DSCAML1: variants seen among roughly 807,000 people sequenced by gnomAD.
The protein encoded by DSCAML1 is DS cell adhesion molecule like 1, also known as cell adhesion molecule DSCAML1.
Under a neutral mutation model 200.5 loss-of-function variants are expected in DSCAML1, and 38 were observed. That is an observed-to-expected ratio of 0.19 (90% CI 0.15 to 0.25). The LOEUF (loss-of-function observed/expected upper bound fraction) is 0.25, where lower values mean the gene tolerates loss of function less well. Ranked by LOEUF, DSCAML1 falls within the 10% of genes least tolerant of loss-of-function variation. DSCAML1 has a pLI of 1.00. For missense variants in DSCAML1, 2,223 were observed against 2,858.8 expected (o/e 0.78, Z 5.07); for synonymous variants, 1,215 against 1,165.0 (o/e 1.04, Z -0.87).
intron 3 of DSCAML1, among the ~76,000 whole-genome samples, chr11:117,637,079 T>C (rs544504733): frequency 6.6e-6 from 1 of 152,186 alleles, no homozygotes; most frequent in South Asian, 2.1e-4. Flanking sequence ...AGGAGCCCCC[T>C]TTCCAGCCCT....
chr11:117,778,417 C>T (rs374917753), intron 2 of DSCAML1, among the ~76,000 whole-genome samples: 353 of 152,326 alleles, frequency 2.3e-3, no homozygotes, highest in African/African-American at 7.9e-3. Flanking sequence ...AGGTTAATGG[C>T]TAACGGCATC....
intron 5 of DSCAML1, among the ~76,000 whole-genome samples, chr11:117,524,051 G>A (rs2049929434): frequency 6.6e-6 from 1 of 152,208 alleles, no homozygotes; most frequent in Non-Finnish European, 1.5e-5. Context: ...TGGGGTAGGG[G>A]GAAAGGGGTG....
intron 3 of DSCAML1, among the ~76,000 whole-genome samples, chr11:117,663,194 T>C (rs2052897704): frequency 6.6e-6 from 1 of 152,194 alleles, no homozygotes; most frequent in African/African-American, 2.4e-5. Context: ...ATCCTTGCTA[T>C]ATCGCAGAGT....
intron 3 of DSCAML1, among the ~76,000 whole-genome samples, chr11:117,637,652 A>C (rs970417262): frequency 1.3e-5 from 2 of 152,162 alleles, no homozygotes; most frequent in African/African-American, 4.8e-5. Context: ...GCCCTCAATA[A>C]GTAGATTAAA....
chr11:117,754,499 G>A (rs78559357), intron 3 of DSCAML1, among the ~76,000 whole-genome samples: 3,585 of 152,176 alleles, frequency 0.024, 149 homozygotes, highest in African/African-American at 0.08. Context: ...AGGGGTGATG[G>A]GGGAGCGGGG....
Position 117,780,779 on chromosome 11 carries a change from G to A in DSCAML1, c.78C>T (p.Tyr26=), listed in dbSNP as rs964422054. ...CCTGCTGCAAGGAGTCATTTACAAA[G>A]TAGAGGCTGGTGCCAACATCTTCAG... ...ARPEDVGTSL[Y]FVNDSLQQVT... is the part of the protein sequence containing the mutation. Residue 26 remains tyrosine (Y), a synonymous_variant, in exon 2 of 33, where the codon TAC becomes TAT. Coordinates refer to ENST00000651296, the MANE Select transcript of DSCAML1 (RefSeq NM_020693.4). This position sits in a 1 kb window ranked among gnomAD's most constrained non-coding sequence, Gnocchi z 4.8. The A allele has an allele frequency of 6.7e-7, 1 of 1,486,632 alleles. No homozygotes were observed. Among genetic ancestry groups the A allele is most frequent in the Non-Finnish European group, 8.9e-7 (1 of 1,120,248 alleles). 92.1% of individuals were successfully genotyped at this position (1,486,632 alleles called of 1,614,324 possible). A position where few individuals can be genotyped will look rare whatever the true frequency, so the allele number is the denominator to read the frequency against.
intron 3 of DSCAML1, among the ~76,000 whole-genome samples, chr11:117,700,230 C>A (rs1201657169): frequency 6.6e-6 from 1 of 152,192 alleles, no homozygotes; most frequent in Admixed American, 6.5e-5. Context: ...GTTCCTAAAT[C>A]TTTTCAAGTC....
At chr11:117,796,351 G>A (rs917897880) in intron 1 of DSCAML1, among the ~76,000 whole-genome samples, 3 of 152,238 alleles carry the variant, frequency 2.0e-5, no homozygotes, top group Non-Finnish European at 4.4e-5. Context: ...CGCGCTGCCC[G>A]AGGTGGCCAC....
chr11:117,461,333 C>T, intron 18 of DSCAML1, 117 bp downstream of exon 18: 1 of 1,442,432 alleles, frequency 6.9e-7, no homozygotes, highest in East Asian at 2.3e-5. Flanking sequence ...GAAGAGGGGG[C>T]TGCACTTCCT....
chr11:117,711,070 A>C (rs693992), intron 3 of DSCAML1, among the ~76,000 whole-genome samples: 138,419 of 152,086 alleles, frequency 0.91, 63,480 homozygotes, highest in Non-Finnish European at 0.97. Context: ...AGAGAAAACC[A>C]AGAAAATAAA....
At chr11:117,438,188 A>G in intron 24 of DSCAML1, 105 bp from the exon 25 acceptor site, 1 of 1,161,368 alleles carries the variant, frequency 8.6e-7, no homozygotes, top group South Asian at 1.6e-5. Context: ...CAGGGGGCAG[A>G]GTCAGGCTTT....
At chr11:117,557,373 C>T (rs1368652420) in intron 3 of DSCAML1, among the ~76,000 whole-genome samples, 1 of 152,194 alleles carries the variant, frequency 6.6e-6, no homozygotes, top group Non-Finnish European at 1.5e-5. Context: ...TGCTCTCCAC[C>T]TTCTTCTGTG....
intron 3 of DSCAML1, among the ~76,000 whole-genome samples, chr11:117,577,529 CCTTCCTT>C (rs1565801897): frequency 1.2e-5 from 1 of 82,382 alleles, no homozygotes; most frequent in East Asian, 3.3e-4. Flanking sequence ...TTCCTTCCTT[CCTTCCTT>C]TCCTTCCTTC....
rs1323186921 is a variant in DSCAML1, at chr11:117,428,743, C to T, written c.5747G>A (p.Gly1916Glu). 4.3e-6 allele frequency: 7 copies of T among 1,612,840 alleles called. No homozygotes were observed. Among genetic ancestry groups the T allele is most frequent in the Non-Finnish European group, 5.9e-6 (7 of 1,179,660 alleles). ...KSEAFFRKAD[G>E]REPCPVVPPR... The stretch of plus-strand genomic sequence containing the variant: ...TGGGACCACGGGGCAGGGCTCACGT[C>T]CATCTGCCTTTCGAAAGAAGGCCTC... The change falls in exon 33 of 33, where the codon GGA becomes GAA. Residue 1916 changes from glycine to glutamate, a missense_variant. Transcript: ENST00000651296.
intron 3 of DSCAML1, among the ~76,000 whole-genome samples, chr11:117,567,909 A>G (rs2050784467): frequency 6.6e-6 from 1 of 152,132 alleles, no homozygotes; most frequent in Admixed American, 6.5e-5. Flanking sequence ...AGCCGGGCAG[A>G]GACACAACCA....
chr11:117,750,482 A>C (rs141606251), intron 3 of DSCAML1, among the ~76,000 whole-genome samples: 36 of 152,340 alleles, frequency 2.4e-4, no homozygotes, highest in African/African-American at 7.9e-4. Context: ...ACCTGCAGGC[A>C]CATGTGTTGG....
At chr11:117,723,364 C>T (rs2054071797) in intron 3 of DSCAML1, among the ~76,000 whole-genome samples, 1 of 152,196 alleles carries the variant, frequency 6.6e-6, no homozygotes, top group Non-Finnish European at 1.5e-5. Context: ...ATTCCCTTGA[C>T]CTGTTCCAAA....
chr11:117,498,735 C>G lies in DSCAML1; in HGVS notation c.2359+5110G>C, dbSNP rs1075784. 0.02 allele frequency among the ~76,000 whole-genome samples: 3,091 copies of G among 152,252 alleles called. 71 individuals are homozygous for G. Among genetic ancestry groups the G allele is most frequent in the East Asian group, 0.095 (492 of 5,182 alleles). ...GGCCCGCCCCCTCCATTTCTCAAGTCCCCACGAGAGTTTGGCCCCAAGCTC... is the reference window on the plus strand; with the variant it reads ...GGCCCGCCCCCTCCATTTCTCAAGTGCCCACGAGAGTTTGGCCCCAAGCTC... On this transcript the variant is annotated intron_variant, in intron 11 of 32. Transcript: ENST00000651296. The surrounding 1 kb of genome is among the most constrained non-coding windows in gnomAD (Gnocchi z 4.0).
Position 117,438,979 on chromosome 11 carries a change from G to A in DSCAML1, c.4149C>T (p.Pro1383=). 1.9e-6 allele frequency: 3 copies of A among 1,602,722 alleles called. No homozygotes were observed. Among genetic ancestry groups the A allele is most frequent in the Non-Finnish European group, 1.7e-6 (2 of 1,175,966 alleles). The change falls in exon 24 of 33, where the codon CCC becomes CCT. Residue 1383 remains proline (P), a synonymous_variant. Transcript: ENST00000651296. ...TIIVNLLVQV[P]PDQPRLTVSK... ...AGACAGTGAGGCGGGGCTGGTCCGG[G>A]GGAACTGTGAGGGGAAAGCCACCAC...
Sources: gnomAD v4.1 joint callset for allele counts (sites outside exome capture counted in the v4.1 genomes callset) on GRCh38, gnomAD v4.1.1 for gene constraint, Gnocchi (gnomAD v3.1) non-coding constraint, MANE v1.5 for transcripts, NCBI Gene and HGNC (gene_info 2026-07-23, HGNC 2026-07-21) for gene names.